The following DIPK1A variants were observed in gnomAD, a reference collection of about 807,000 sequenced individuals.
DIPK1A encodes divergent protein kinase domain 1A.
DIPK1A carries 27 observed loss-of-function variants against 40.8 expected under a neutral mutation model. The ratio of observed to expected loss-of-function variants is 0.66; its 90% confidence interval spans 0.49 to 0.91. The LOEUF is 0.91. Ranked by LOEUF, DIPK1A falls within the 40% of genes least tolerant of loss-of-function variation. DIPK1A has a pLI of 0.00. For missense variants in DIPK1A, 412 were observed against 505.7 expected (o/e 0.81, Z 1.78); for synonymous variants, 166 against 171.3 (o/e 0.97, Z 0.24).
chr1:92,848,391 G>A (rs1687706292), intron 3 of DIPK1A, among the ~76,000 whole-genome samples: 1 of 152,136 alleles, frequency 6.6e-6, no homozygotes, highest in African/African-American at 2.4e-5. Flanking sequence ...CACGTACTCC[G>A]TTTCTCAAAG....
chr1:92,848,327 C>T (rs1001821145), intron 3 of DIPK1A, among the ~76,000 whole-genome samples: 3 of 152,198 alleles, frequency 2.0e-5, no homozygotes, highest in Non-Finnish European at 2.9e-5. Context: ...TTTCCATGAC[C>T]GGTTGGGCTC....
At chr1:92,960,732 C>T (rs1652039482) in intron 1 of DIPK1A, among the ~76,000 whole-genome samples, 1 of 152,188 alleles carries the variant, frequency 6.6e-6, no homozygotes, top group South Asian at 2.1e-4. Context: ...AAAAAGCAAA[C>T]ACCCATCCGC....
chr1:92,943,783 C>T (rs1168377722), intron 1 of DIPK1A, among the ~76,000 whole-genome samples: 2 of 152,164 alleles, frequency 1.3e-5, no homozygotes, highest in African/African-American at 2.4e-5. Context: ...AATGGGAAAA[C>T]AGACTAACTT....
Position 92,842,797 on chromosome 1 carries a change from A to G in DIPK1A, c.*586T>C, listed in dbSNP as rs926504787. ...GTCAAGTATAAGATTTCTTGAAGTA[A>G]GCCACTTGAACCATTGTGAAGCTAC... is the stretch of plus-strand genomic sequence containing the variant. On this transcript the variant is annotated 3_prime_UTR_variant, in exon 5 of 5. Transcript: ENST00000370310. 2.0e-6 allele frequency: 2 copies of G among 985,450 alleles called. No homozygotes were observed. The highest frequency in any genetic ancestry group is 6.1e-5 in the Admixed American group (1 of 16,288). 61.0% of individuals were successfully genotyped at this position (985,450 alleles called of 1,614,324 possible).
chr1:92,834,195 T>C (rs1442568315), intron 4 of DIPK1A, among the ~76,000 whole-genome samples: 1 of 152,230 alleles, frequency 6.6e-6, no homozygotes, highest in East Asian at 1.9e-4. Context: ...ATTTTTCCTA[T>C]ATGGCCTTAT....
At chr1:92,868,270 G>C (rs1178001197) in intron 2 of DIPK1A, among the ~76,000 whole-genome samples, 1 of 152,190 alleles carries the variant, frequency 6.6e-6, no homozygotes, top group Non-Finnish European at 1.5e-5. Flanking sequence ...ATATGGTTTA[G>C]CTGCTAGTAA....
chr1:92,878,695 C>A (rs1444243517), intron 1 of DIPK1A, among the ~76,000 whole-genome samples: 4 of 152,160 alleles, frequency 2.6e-5, no homozygotes, highest in African/African-American at 9.7e-5. Context: ...TGGCGGGGGC[C>A]TGTAGTCCCA....
At chr1:92,915,302 G>A (rs1391844943) in intron 1 of DIPK1A, among the ~76,000 whole-genome samples, 2 of 152,064 alleles carry the variant, frequency 1.3e-5, no homozygotes, top group African/African-American at 4.8e-5. Context: ...AAACATGTGA[G>A]TCCGTGTATT....
At chr1:92,954,003 C>T (rs1297219726) in intron 1 of DIPK1A, among the ~76,000 whole-genome samples, 1 of 152,068 alleles carries the variant, frequency 6.6e-6, no homozygotes, top group Non-Finnish European at 1.5e-5. Flanking sequence ...ATTAAATACC[C>T]AATCAACAAC....
rs185498533 is a variant in DIPK1A, at chr1:92,834,567, G to A, written c.475-1533C>T. ...CTGAGACTTTGCTGACTTTAGTTAT[G>A]TTTAGTTCAAAAGATGATTGAAATA... On this transcript the variant is annotated intron_variant, in intron 4 of 4. Transcript: ENST00000615519. Among the ~76,000 whole-genome samples the A allele has an allele frequency of 1.5e-3, 227 of 152,290 alleles. 1 individual carries two copies. Among genetic ancestry groups the A allele is most frequent in the African/African-American group, 5.3e-3 (221 of 41,562 alleles).
chr1:92,867,782 A>G (rs1647629458), intron 2 of DIPK1A, among the ~76,000 whole-genome samples: 2 of 152,304 alleles, frequency 1.3e-5, no homozygotes, highest in South Asian at 4.1e-4. Context: ...CTGGGATTAC[A>G]GGTGTGAGCC....
At chr1:92,837,896 A>G (rs1248389258), downstream of DIPK1A, 3 of 461,784 alleles carry the variant, frequency 6.5e-6, no homozygotes, top group East Asian at 4.3e-5. Flanking sequence ...GCTTTGTTGG[A>G]TAAGAGGTGC....
At chr1:92,946,040 C>G (rs1446908769) in intron 1 of DIPK1A, among the ~76,000 whole-genome samples, 1 of 152,140 alleles carries the variant, frequency 6.6e-6, no homozygotes, top group Non-Finnish European at 1.5e-5. Context: ...AATTTACAAA[C>G]ATCACATGTT....
chr1:92,835,240 G>C (rs1299121715), intron 4 of DIPK1A: 1 of 405,652 alleles, frequency 2.5e-6, no homozygotes, highest in Non-Finnish European at 4.6e-6. Flanking sequence ...TTGCTACTTA[G>C]GTATACATTC....
chr1:92,885,445 T>A (rs945322777), intron 1 of DIPK1A, among the ~76,000 whole-genome samples: 37 of 152,180 alleles, frequency 2.4e-4, no homozygotes, highest in African/African-American at 8.4e-4. Context: ...AACCTCCGCC[T>A]CCTAGGTTCA....
intron 1 of DIPK1A, among the ~76,000 whole-genome samples, chr1:92,898,990 A>G (rs761611883): frequency 2.6e-5 from 4 of 152,128 alleles, no homozygotes; most frequent in Non-Finnish European, 5.9e-5. Flanking sequence ...GCTAACCTCA[A>G]ACTCCTGGAT....
chr1:92,949,654 A>G (rs932675594), intron 1 of DIPK1A, among the ~76,000 whole-genome samples: 2 of 152,210 alleles, frequency 1.3e-5, no homozygotes, highest in African/African-American at 4.8e-5. Flanking sequence ...AGATATAGCT[A>G]TAGAAGTAAG....
chr1:92,845,529 A>G (rs1252701213), intron 4 of DIPK1A: 1 of 289,202 alleles, frequency 3.5e-6, no homozygotes, highest in Non-Finnish European at 6.4e-6. Flanking sequence ...AAAAAAAAAA[A>G]CCGTCTCTGC....
intron 2 of DIPK1A, among the ~76,000 whole-genome samples, chr1:92,853,410 A>G (rs1415211943): frequency 6.6e-6 from 1 of 152,220 alleles, no homozygotes; most frequent in East Asian, 1.9e-4. Context: ...TTGAGCATCC[A>G]GGCAAAAAGA....
Sources: gnomAD v4.1 joint callset for allele counts (sites outside exome capture counted in the v4.1 genomes callset) on GRCh38, gnomAD v4.1.1 for gene constraint, MANE v1.5 for transcripts, NCBI Gene and HGNC (gene_info 2026-07-23, HGNC 2026-07-21) for gene names.